Variants in CCDC190 observed in about 807,000 individuals in gnomAD.
The protein encoded by CCDC190 is coiled-coil domain containing 190.
Under a neutral mutation model 13.1 loss-of-function variants are expected in CCDC190, and 10 were observed. The ratio of observed to expected loss-of-function variants is 0.77; its 90% CI spans 0.47 to 1.30. The LOEUF is 1.30. Ranked by LOEUF, CCDC190 falls within the 50% of genes most tolerant of loss-of-function variation. The pLI is 0.00. For synonymous variants in CCDC190, 136 were observed against 127.2 expected, an observed-to-expected ratio of 1.07 and a Z score of -0.47; for missense variants, 375 against 354.3, an observed-to-expected ratio of 1.06 and a Z score of -0.47.
chr1:162,866,969 T>C (rs1650728468), intron 1 of CCDC190, among the ~76,000 whole-genome samples: 2 of 151,996 alleles, frequency 1.3e-5, no homozygotes, highest in African/African-American at 4.8e-5. Flanking sequence ...TACCTTAACA[T>C]GCTGGCAAAA....
upstream of CCDC190, among the ~76,000 whole-genome samples, chr1:162,865,274 C>T (rs1189579889): frequency 6.6e-6 from 1 of 152,106 alleles, no homozygotes; most frequent in Non-Finnish European, 1.5e-5. Context: ...GAGGAATGAA[C>T]AAACCCACAG....
chr1:162,861,144 T>C lies in CCDC190; in HGVS notation c.-149A>G, dbSNP rs191815722. On this transcript the variant is annotated 5_prime_UTR_variant, in exon 1 of 4. An upstream start codon of the reference 5' UTR is lost. Transcript: ENST00000367912. The stretch of plus-strand genomic sequence containing the variant: ...TTGGAGAAAGGATAGAGGGAGACCA[T>C]TGGAGAGGGCTGCGAGGAGAATGTT... 1.5e-4 allele frequency: 53 copies of C among 345,068 alleles called. No homozygotes were observed. Among genetic ancestry groups the C allele is most frequent in the African/African-American group, 1.1e-3 (48 of 44,982 alleles). 21.4% of individuals were successfully genotyped at this position (345,068 alleles called of 1,614,324 possible).
rs1391484970 is a variant in CCDC190, at chr1:162,853,256, G to T, written c.*1509C>A. The T allele has an allele frequency of 3.9e-5, 36 of 916,080 alleles. No individual in the cohort carries two copies. In the East Asian group the frequency reaches 9.7e-4, roughly 25 times the overall value. The allele number at this position is 916,080 out of a possible 1,614,324, so 56.7% of individuals were successfully genotyped here. A position where few individuals can be genotyped will look rare whatever the true frequency, so the allele number is the denominator to read the frequency against. On this transcript the variant is annotated 3_prime_UTR_variant, in exon 4 of 4. Transcript: ENST00000367912. ...GAAAGAGCATGAGCAAGGAAATTGA[G>T]TAGAAGAGAGATCAAATGCTAGTCT...
chr1:162,859,723 T>A (rs894624723), intron 1 of CCDC190, 65 bp from the exon 2 acceptor site: 4 of 1,330,940 alleles, frequency 3.0e-6, no homozygotes, highest in African/African-American at 1.5e-5. Context: ...ACCCCGGCTT[T>A]TAATCAGAGA....
At chr1:162,867,533 A>G (rs1417266084) in intron 1 of CCDC190, among the ~76,000 whole-genome samples, 1 of 152,208 alleles carries the variant, frequency 6.6e-6, no homozygotes, top group Non-Finnish European at 1.5e-5. Flanking sequence ...GGAATTTCTT[A>G]CAAAATTCAA....
At position 162,853,891 on chromosome 1, in the gene CCDC190, A is replaced by G. The variant is rs1388580949; in HGVS notation, c.*874T>C. On this transcript the variant is annotated 3_prime_UTR_variant, in exon 4 of 4. Coordinates refer to ENST00000367912, the MANE Select transcript of CCDC190 (RefSeq NM_001394065.1). ...ACAGTAAGTTTAAAACGCATTAACA[A>G]AAAGCTATTATTTTCTAATGACTTA... 6.6e-6 allele frequency among the ~76,000 whole-genome samples: 1 copy of G among 152,218 alleles called. No individual in the cohort carries two copies. Among genetic ancestry groups the G allele is most frequent in the Non-Finnish European group, 1.5e-5 (1 of 68,044 alleles).
intron 2 of CCDC190, among the ~76,000 whole-genome samples, chr1:162,857,014 A>C (rs16845991): frequency 6.6e-6 from 1 of 152,138 alleles, no homozygotes; most frequent in Non-Finnish European, 1.5e-5. Flanking sequence ...TGTTTCTCCA[A>C]TGTTCTCTCT....
rs374467491 is a variant in CCDC190, at chr1:162,859,638, C to A, written c.9G>T (p.Arg3Ser). ME[R>S]HMVRGQLYKH... ...TATACAATTGTCCCCTGACCATGTG[C>A]CTCTCCATCTTCTTTATGGTCTAGA... The change falls in exon 2 of 4, where the codon AGG becomes AGT. Residue 3 changes from arginine (R) to serine (S), a missense_variant. By Grantham distance (110) the Arg-to-Ser change is moderately radical. Transcript: ENST00000367912. 1 of 1,613,002 alleles carries A rather than the reference C, an allele frequency of 6.2e-7. No individual in the cohort carries two copies. Among genetic ancestry groups the A allele is most frequent in the Non-Finnish European group, 8.5e-7 (1 of 1,179,472 alleles).
At chr1:162,868,018 A>G (rs917763978) in intron 1 of CCDC190, among the ~76,000 whole-genome samples, 1 of 152,224 alleles carries the variant, frequency 6.6e-6, no homozygotes, top group Non-Finnish European at 1.5e-5. Flanking sequence ...GTCGAAGCCA[A>G]CAACCTAAGG....
chr1:162,857,031 G>T (rs2102260153), intron 2 of CCDC190, among the ~76,000 whole-genome samples: 1 of 152,292 alleles, frequency 6.6e-6, no homozygotes, highest in Admixed American at 6.5e-5. Flanking sequence ...CTCTGTGAAG[G>T]TATGGTACTT....
At chr1:162,860,969 A>G in intron 1 of CCDC190, 39 bp downstream of exon 1, 1 of 938,286 alleles carries the variant, frequency 1.1e-6, no homozygotes, top group South Asian at 4.9e-5. Context: ...CTAAAGTATA[A>G]CTAAACTTTT....
At chr1:162,861,770 A>AGATACT (rs986459202), upstream of CCDC190, among the ~76,000 whole-genome samples, 6 of 152,198 alleles carry the variant, frequency 3.9e-5, no homozygotes, top group African/African-American at 1.4e-4. Flanking sequence ...TTATATAACA[A>AGATACT]GATACTGAGT....
At chr1:162,855,841 G>T in intron 2 of CCDC190, 86 bp from the exon 3 acceptor site, 1 of 1,222,436 alleles carries the variant, frequency 8.2e-7, no homozygotes, top group Admixed American at 2.5e-5. Context: ...AGTACCTTAG[G>T]GTGGGACCTT....
chr1:162,858,304 C>A (rs1650380443), intron 2 of CCDC190, among the ~76,000 whole-genome samples: 2 of 152,188 alleles, frequency 1.3e-5, no homozygotes, highest in South Asian at 4.1e-4. Flanking sequence ...TTTGTACACC[C>A]TCCTAAAAGT....
At chr1:162,859,156 T>A (rs1650411204) in intron 2 of CCDC190, among the ~76,000 whole-genome samples, 1 of 151,804 alleles carries the variant, frequency 6.6e-6, no homozygotes, top group Admixed American at 6.6e-5. Context: ...AAAAGCAAAA[T>A]GAAAAATAAA....
Position 162,853,313 on chromosome 1 carries a change from C to G in CCDC190, c.*1452G>C. The stretch of plus-strand genomic sequence containing the variant: ...TATTAGCAAGTTACCACCACTCTTC[C>G]CTCTATTTCCTTATCTGTAAAATGG... On this transcript the variant is annotated 3_prime_UTR_variant, in exon 4 of 4. Transcript: ENST00000367912. 1 of 550,992 alleles carries G rather than the reference C, an allele frequency of 1.8e-6. No homozygotes were observed. The highest frequency in any genetic ancestry group is 3.0e-5 in the East Asian group (1 of 33,764). The allele number at this position is 550,992 out of a possible 1,614,324, so 34.1% of individuals were successfully genotyped here. A position where few individuals can be genotyped will look rare whatever the true frequency, so the allele number is the denominator to read the frequency against.
At chr1:162,857,251 G>C (rs554096044) in intron 2 of CCDC190, among the ~76,000 whole-genome samples, 1 of 152,286 alleles carries the variant, frequency 6.6e-6, no homozygotes, top group African/African-American at 2.4e-5. Context: ...ACCATGGCCT[G>C]AACTTTGTAA....
chr1:162,853,569 C>T lies in CCDC190; in HGVS notation c.*1196G>A, dbSNP rs1650182697. Among the ~76,000 whole-genome samples the T allele has an allele frequency of 6.6e-6, 1 of 152,040 alleles. No homozygotes were observed. The highest frequency in any genetic ancestry group is 6.6e-5 in the Admixed American group (1 of 15,264). On this transcript the variant is annotated 3_prime_UTR_variant, in exon 4 of 4. Transcript: ENST00000367912. ...AACTATAAATTAAATATGAATTAAT[C>T]TTCATTTCAGGCCCTTTGTAATATT...
rs1446340215 is a variant in CCDC190 at position 162,861,096 on chromosome 1, C to G, written c.-101G>C. ...CTTGATTAATGAGCTTATTTTTCTT[C>G]AGTAAACTTAGGAGTTTGGTGTTTG... On this transcript the variant is annotated 5_prime_UTR_variant, in exon 1 of 4. Coordinates refer to ENST00000367912, the MANE Select transcript of CCDC190 (RefSeq NM_001394065.1). 18 of 864,640 alleles carry G rather than the reference C, an allele frequency of 2.1e-5. No individual in the cohort carries two copies. The highest frequency in any genetic ancestry group is 2.5e-5 in the Non-Finnish European group (18 of 719,898). 53.6% of individuals were successfully genotyped at this position (864,640 alleles called of 1,614,324 possible). A position where few individuals can be genotyped will look rare whatever the true frequency, so the allele number is the denominator to read the frequency against.
Sources: allele counts gnomAD v4.1 joint callset (sites outside exome capture counted in the v4.1 genomes callset), GRCh38; gene constraint gnomAD v4.1.1; transcripts MANE v1.5; gene names NCBI Gene and HGNC (gene_info 2026-07-23, HGNC 2026-07-21).